The following CDK15 variants were observed in gnomAD, a reference collection of about 807,000 sequenced individuals.
CDK15 encodes the protein cyclin-dependent kinase 15.
In CDK15, 62 loss-of-function variants were observed where a neutral mutation model predicts 60.3. That is an observed-to-expected ratio of 1.03 (90% CI 0.84 to 1.27). The LOEUF (loss-of-function observed/expected upper bound fraction) is 1.27. Ranked by LOEUF, CDK15 falls within the 50% of genes most tolerant of loss-of-function variation. The pLI is 0.00. For missense variants in CDK15, 541 were observed against 527.8 expected, an observed-to-expected ratio of 1.03 and a Z score of -0.25; for synonymous variants, 194 against 195.7, an observed-to-expected ratio of 0.99 and a Z score of 0.07.
intron 10 of CDK15, among the ~76,000 whole-genome samples, chr2:201,868,627 A>T (rs940140757): frequency 6.6e-6 from 1 of 152,084 alleles, no homozygotes. Context: ...AATTTTTGCA[A>T]TCTACTCATC....
intron 4 of CDK15, among the ~76,000 whole-genome samples, chr2:201,819,461 C>T (rs1696129489): frequency 1.3e-5 from 2 of 152,128 alleles, no homozygotes; most frequent in African/African-American, 2.4e-5. Context: ...GGCAGGAAAT[C>T]GCAAGTCCTT....
intron 4 of CDK15, among the ~76,000 whole-genome samples, chr2:201,821,695 G>C (rs1696226805): frequency 6.6e-6 from 1 of 151,898 alleles, no homozygotes; most frequent in South Asian, 2.1e-4. Context: ...TTTTGAGATG[G>C]AGTCTCGCTC....
At chr2:201,835,501 G>C (rs1696965381) in intron 7 of CDK15, 142 bp from the exon 8 acceptor site, 1 of 928,228 alleles carries the variant, frequency 1.1e-6, no homozygotes, top group Non-Finnish European at 1.5e-6. Context: ...TGATAGACAA[G>C]AGTCAAGATA....
chr2:201,855,000 C>T (rs1292890436), intron 10 of CDK15, 63 bp downstream of exon 10: 34 of 1,470,374 alleles, frequency 2.3e-5, no homozygotes, highest in East Asian at 4.6e-5. Flanking sequence ...GCATTGGCCA[C>T]GCTAACAGGG....
intron 2 of CDK15, 83 bp from the exon 3 acceptor site, chr2:201,807,775 G>A: frequency 6.5e-7 from 1 of 1,542,864 alleles, no homozygotes; most frequent in African/African-American, 1.4e-5. Context: ...TAATTTCCCT[G>A]GGGAAAAAAA....
chr2:201,863,532 T>C lies in CDK15; in HGVS notation c.1009+8595T>C, dbSNP rs571030431. On this transcript the variant is annotated intron_variant, in intron 10 of 13. Transcript: ENST00000652192. ...CCTCCTTCTCCATGTTTATGGCCAG[T>C]GCTTTGCACCATCAAGCTCTGTAAA... 2.6e-5 allele frequency among the ~76,000 whole-genome samples: 4 copies of C among 152,262 alleles called. No homozygotes were observed. The East Asian group carries it at 7.7e-4, about 29-fold the overall frequency.
chr2:201,848,805 A>G (rs1697782068), intron 9 of CDK15, among the ~76,000 whole-genome samples: 1 of 152,160 alleles, frequency 6.6e-6, no homozygotes, highest in South Asian at 2.1e-4. Flanking sequence ...GGCTAAAATA[A>G]AATGTACTTT....
At chr2:201,843,619 G>A (rs1322147343) in intron 8 of CDK15, among the ~76,000 whole-genome samples, 1 of 152,088 alleles carries the variant, frequency 6.6e-6, no homozygotes, top group East Asian at 1.9e-4. Flanking sequence ...ACTTGCACAA[G>A]TGCACACATA....
At chr2:201,875,812 T>A (rs1464370774) in intron 11 of CDK15, among the ~76,000 whole-genome samples, 1 of 152,186 alleles carries the variant, frequency 6.6e-6, no homozygotes, top group Non-Finnish European at 1.5e-5. Flanking sequence ...TATCTTTGAG[T>A]ATCAGAGGAT....
intron 10 of CDK15, among the ~76,000 whole-genome samples, chr2:201,865,359 AC>A (rs1698577092): frequency 6.6e-6 from 1 of 152,128 alleles, no homozygotes; most frequent in African/African-American, 2.4e-5. Context: ...CATTCCCTCC[AC>A]CTTCTCCATC....
intron 10 of CDK15, among the ~76,000 whole-genome samples, chr2:201,871,192 C>G (rs1271415185): frequency 1.3e-5 from 2 of 151,910 alleles, no homozygotes; most frequent in Non-Finnish European, 2.9e-5. Context: ...CAGGGTCTTG[C>G]TCTGTCTCCC....
chr2:201,808,917 TA>T (rs1369600491), intron 3 of CDK15: 1 of 43,326 alleles, frequency 2.3e-5, no homozygotes, highest in East Asian at 7.5e-4. Flanking sequence ...TTTATTTTAT[TA>T]TTTATATATT....
intron 8 of CDK15, among the ~76,000 whole-genome samples, chr2:201,846,938 C>G (rs1468521230): frequency 6.6e-6 from 1 of 152,058 alleles, no homozygotes; most frequent in Non-Finnish European, 1.5e-5. Context: ...TTATAACAGC[C>G]CTTTCAATAA....
chr2:201,845,440 A>G (rs1198381844), intron 8 of CDK15, among the ~76,000 whole-genome samples: 1 of 152,134 alleles, frequency 6.6e-6, no homozygotes, highest in African/African-American at 2.4e-5. Context: ...CTACACAATC[A>G]ATGAAAAGTA....
intron 1 of CDK15, 96 bp downstream of exon 1, chr2:201,806,883 G>A: frequency 1.5e-6 from 2 of 1,329,564 alleles, no homozygotes; most frequent in Non-Finnish European, 2.0e-6. Flanking sequence ...TTCTGCGGTA[G>A]GTCTAAACCA....
At chr2:201,873,879 C>T (rs1320715906) in intron 11 of CDK15, among the ~76,000 whole-genome samples, 2 of 152,116 alleles carry the variant, frequency 1.3e-5, no homozygotes, top group Non-Finnish European at 2.9e-5. Flanking sequence ...ATGGCAAAAC[C>T]CCGTCTCTAC....
At chr2:201,837,643 C>T (rs1308873373) in intron 8 of CDK15, among the ~76,000 whole-genome samples, 1 of 152,108 alleles carries the variant, frequency 6.6e-6, no homozygotes, top group Non-Finnish European at 1.5e-5. Context: ...GTGTTATTTT[C>T]TCTGGATCAT....
chr2:201,886,605 G>A (rs1220507421), intron 12 of CDK15, among the ~76,000 whole-genome samples: 1 of 152,172 alleles, frequency 6.6e-6, no homozygotes, highest in East Asian at 1.9e-4. Flanking sequence ...GATTACAGGC[G>A]TGAGTCACCT....
At chr2:201,814,364 C>T (rs780858176) in intron 4 of CDK15, among the ~76,000 whole-genome samples, 2 of 152,166 alleles carry the variant, frequency 1.3e-5, no homozygotes, top group Non-Finnish European at 2.9e-5. Flanking sequence ...TTACCGAATG[C>T]TTTGCTCGTG....
Sources: gnomAD v4.1 joint callset for allele counts (sites outside exome capture counted in the v4.1 genomes callset) on GRCh38, gnomAD v4.1.1 for gene constraint, MANE v1.5 for transcripts, NCBI Gene and HGNC (gene_info 2026-07-23, HGNC 2026-07-21) for gene names.